Variants in UBE2E2 observed in about 807,000 individuals in gnomAD.
UBE2E2 encodes ubiquitin conjugating enzyme E2 E2.
UBE2E2 carries 6 observed loss-of-function variants against 24.7 expected under a neutral mutation model. That is an observed-to-expected ratio of 0.24 (90% CI 0.13 to 0.48). The LOEUF (loss-of-function observed/expected upper bound fraction) is 0.48. UBE2E2 is among the 20% of genes least tolerant of loss of function. The probability of loss-of-function intolerance (pLI) is 0.99; values close to 1 mark genes in which losing one functional copy is unlikely to be tolerated. For missense variants in UBE2E2, 169 were observed against 245.0 expected, an observed-to-expected ratio of 0.69 and a Z score of 2.07; for synonymous variants, 104 against 83.6, an observed-to-expected ratio of 1.24 and a Z score of -1.33.
intron 3 of UBE2E2, among the ~76,000 whole-genome samples, chr3:23,382,190 T>TC (rs1696687343): frequency 6.8e-6 from 1 of 146,232 alleles, no homozygotes; most frequent in Admixed American, 6.8e-5. Flanking sequence ...TTTTTTTTTT[T>TC]TTTTTTTTTG....
At chr3:23,346,378 C>G (rs1695558372) in intron 3 of UBE2E2, among the ~76,000 whole-genome samples, 1 of 152,002 alleles carries the variant, frequency 6.6e-6, no homozygotes, top group Admixed American at 6.5e-5. Context: ...CAGATACTAT[C>G]ATCACATCAT....
At chr3:23,533,248 C>G (rs1001548404) in intron 5 of UBE2E2, among the ~76,000 whole-genome samples, 1 of 152,150 alleles carries the variant, frequency 6.6e-6, no homozygotes, top group South Asian at 2.1e-4. Flanking sequence ...TATAGCCAGG[C>G]CTTTATGGCT....
In UBE2E2 at chr3:23,474,901, G is replaced by A. The variant is rs912567142; in HGVS notation, c.228-24707G>A. On this transcript the variant is annotated intron_variant, in intron 3 of 5. Transcript: ENST00000396703. This position sits in a 1 kb window ranked among gnomAD's most constrained non-coding sequence, Gnocchi z 4.0. ...AGACTTCTAGAAACAGAAACACATT[G>A]TCTCTCCTTTAATTTTTTTATTTCT... 3.9e-5 allele frequency among the ~76,000 whole-genome samples: 6 copies of A among 151,918 alleles called. No individual in the cohort carries two copies. Among genetic ancestry groups the A allele is most frequent in the Non-Finnish European group, 5.9e-5 (4 of 68,032 alleles).
chr3:23,437,463 G>C (rs1403147371), intron 3 of UBE2E2, among the ~76,000 whole-genome samples: 1 of 152,142 alleles, frequency 6.6e-6, no homozygotes, highest in African/African-American at 2.4e-5. Flanking sequence ...ACAGTTAAAT[G>C]CATTAATATC....
intron 5 of UBE2E2, among the ~76,000 whole-genome samples, chr3:23,561,613 T>G (rs971013810): frequency 2.5e-4 from 38 of 150,828 alleles, no homozygotes; most frequent in Non-Finnish European, 4.1e-4. Flanking sequence ...GTGAAGAAAG[T>G]CATTGGTAGC....
chr3:23,260,860 A>T (rs540837112), intron 3 of UBE2E2, among the ~76,000 whole-genome samples: 1 of 152,226 alleles, frequency 6.6e-6, no homozygotes, highest in Non-Finnish European at 1.5e-5. Context: ...AATCTGAGCA[A>T]TTTGAGAGGC....
chr3:23,587,844 A>T (rs1696662467), intron 5 of UBE2E2, among the ~76,000 whole-genome samples: 1 of 152,250 alleles, frequency 6.6e-6, no homozygotes, highest in East Asian at 1.9e-4. Flanking sequence ...AAGAAGAATC[A>T]CAAAGAGTAG....
At chr3:23,436,719 A>G (rs887476127) in intron 3 of UBE2E2, among the ~76,000 whole-genome samples, 1 of 152,082 alleles carries the variant, frequency 6.6e-6, no homozygotes, top group Admixed American at 6.6e-5. Context: ...GTTCCATCTT[A>G]TTTTTATTAG....
intron 3 of UBE2E2, among the ~76,000 whole-genome samples, chr3:23,355,328 A>G (rs1425919834): frequency 6.6e-6 from 1 of 152,156 alleles, no homozygotes; most frequent in Non-Finnish European, 1.5e-5. Flanking sequence ...ATGTATACAT[A>G]CGTAACCTGT....
intron 3 of UBE2E2, among the ~76,000 whole-genome samples, chr3:23,234,823 T>TA (rs1268216862): frequency 6.6e-6 from 1 of 152,180 alleles, no homozygotes; most frequent in Non-Finnish European, 1.5e-5. Context: ...CCATGTTTGA[T>TA]AAAGCAGCTA....
At chr3:23,538,473 A>G (rs1420384152) in intron 5 of UBE2E2, among the ~76,000 whole-genome samples, 1 of 152,136 alleles carries the variant, frequency 6.6e-6, no homozygotes, top group African/African-American at 2.4e-5. Context: ...CTATTAATCA[A>G]TCTACCTGGT....
At chr3:23,430,666 G>A (rs761403374) in intron 3 of UBE2E2, among the ~76,000 whole-genome samples, 2 of 152,148 alleles carry the variant, frequency 1.3e-5, no homozygotes, top group Non-Finnish European at 2.9e-5. Context: ...CTACAGGCAT[G>A]TGCCACTGCC....
rs577527933 is a variant in UBE2E2 at position 23,272,237 on chromosome 3, C to T, written c.227+54925C>T. Among the ~76,000 whole-genome samples the T allele has an allele frequency of 9.2e-5, 14 of 152,288 alleles. No homozygotes were observed. In the East Asian group the frequency reaches 2.7e-3, roughly 29 times the overall value. On this transcript the variant is annotated intron_variant, in intron 3 of 5. Coordinates refer to ENST00000396703, the MANE Select transcript of UBE2E2 (RefSeq NM_152653.4). The stretch of plus-strand genomic sequence containing the variant: ...GGGCAGTCTGGCACTGCTGGGGGAT[C>T]CGGCGCTCCCTGGCCTGGGTGCTAA...
At chr3:23,298,494 T>C (rs565050487) in intron 3 of UBE2E2, among the ~76,000 whole-genome samples, 1 of 152,246 alleles carries the variant, frequency 6.6e-6, no homozygotes, top group African/African-American at 2.4e-5. Context: ...GCTTTTAGCA[T>C]GAAGAGTTGT....
intron 3 of UBE2E2, among the ~76,000 whole-genome samples, chr3:23,220,243 G>T (rs1487579408): frequency 1.8e-4 from 27 of 152,120 alleles, no homozygotes; most frequent in Admixed American, 1.8e-3. Context: ...TGATTTAATA[G>T]ATTGAATTAT....
chr3:23,224,404 A>G (rs530831610), intron 3 of UBE2E2, among the ~76,000 whole-genome samples: 133 of 151,688 alleles, frequency 8.8e-4, no homozygotes, highest in Non-Finnish European at 1.4e-3. Flanking sequence ...TAGGCATTTT[A>G]TAATTTTTGT....
At position 23,441,538 on chromosome 3, in the gene UBE2E2, C is replaced by CAAAAAAAA. The variant is rs147766521; in HGVS notation, c.228-58061_228-58054dup. On this transcript the variant is annotated intron_variant, in intron 3 of 5. Coordinates refer to ENST00000396703, the MANE Select transcript of UBE2E2 (RefSeq NM_152653.4). The stretch of plus-strand genomic sequence containing the variant: ...TGGGCGACAAAGCGAGACTCCGTCT[C>CAAAAAAAA]AAAAAAAAAAAAAAAAGAATTGGGT... 1.2e-3 allele frequency among the ~76,000 whole-genome samples: 113 copies of CAAAAAAAA among 95,686 alleles called. 1 individual carries two copies. The highest frequency in any genetic ancestry group is 1.6e-3 in the Non-Finnish European group (74 of 47,254). 62.8% of individuals were successfully genotyped at this position (95,686 alleles called of 152,430 possible).
At chr3:23,258,365 A>G (rs1057057203) in intron 3 of UBE2E2, among the ~76,000 whole-genome samples, 19 of 152,232 alleles carry the variant, frequency 1.2e-4, no homozygotes, top group African/African-American at 4.3e-4. Context: ...AGTCATGTTA[A>G]TAGTGATAGT....
intron 3 of UBE2E2, among the ~76,000 whole-genome samples, chr3:23,350,704 T>G (rs1292271583): frequency 6.6e-6 from 1 of 152,098 alleles, no homozygotes; most frequent in Admixed American, 6.6e-5. Flanking sequence ...TAAAAAGATA[T>G]GAACAAAGCC....
Sources: allele counts gnomAD v4.1 joint callset (sites outside exome capture counted in the v4.1 genomes callset), GRCh38; gene constraint gnomAD v4.1.1; non-coding constraint Gnocchi (gnomAD v3.1); transcripts MANE v1.5; gene names NCBI Gene and HGNC (gene_info 2026-07-23, HGNC 2026-07-21).